The following SIGLEC5 variants were observed in gnomAD, a reference collection of about 807,000 sequenced individuals.
The protein encoded by SIGLEC5 is sialic acid-binding Ig-like lectin 5.
A neutral mutation model predicts 45.9 loss-of-function variants in SIGLEC5; 34 were observed. That is an observed-to-expected ratio of 0.74 (90% confidence interval 0.56 to 0.99). SIGLEC5 has a LOEUF of 0.99. Ranked by LOEUF, SIGLEC5 falls within the 50% of genes least tolerant of loss-of-function variation. The probability of loss-of-function intolerance (pLI) is 0.00; values close to 1 mark genes in which losing one functional copy is unlikely to be tolerated. For synonymous variants in SIGLEC5, 203 were observed against 258.6 expected (o/e 0.79, Z 2.06); for missense variants, 508 against 629.6 (o/e 0.81, Z 2.07).
In SIGLEC5 at chr19:51,629,485, C is replaced by G. The variant is rs1432876833; in HGVS notation, c.573G>C (p.Glu191Asp). The change falls in exon 3 of 9, where the codon GAG becomes GAC. Residue 191 changes from glutamate to aspartate, a missense_variant. This residue lies in a region of SIGLEC5 where 77 missense variants were observed against 200.8 expected (regional missense o/e 0.38). Coordinates refer to ENST00000683636, the MANE Select transcript of SIGLEC5 (RefSeq NM_003830.4). ...TGNALSPLDP[E>D]TTRSSELTLT... ...GGGTGAGCTCCGAGGAGCGGGTGGT[C>G]TCGGGGTCCAGGGGGCTGAGGGCAT... 6.2e-7 allele frequency: 1 copy of G among 1,611,980 alleles called. No individual in the cohort carries two copies. Among genetic ancestry groups the G allele is most frequent in the East Asian group, 2.2e-5 (1 of 44,820 alleles).
chr19:51,611,168 A>G lies in SIGLEC5; in HGVS notation c.*1063T>C, dbSNP rs114134570. 0.036 allele frequency among the ~76,000 whole-genome samples: 5,415 copies of G among 152,290 alleles called. 288 individuals are homozygous for G. Among genetic ancestry groups the G allele is most frequent in the African/African-American group, 0.12 (4,820 of 41,530 alleles). On this transcript the variant is annotated 3_prime_UTR_variant, in exon 9 of 9. Coordinates refer to ENST00000683636, the MANE Select transcript of SIGLEC5 (RefSeq NM_003830.4). ...ATGACCACTTGCTGAAGTTTCTAACATTGTCATTTATCTGGGTTTGGAGAT... is the reference window on the plus strand; with the variant it reads ...ATGACCACTTGCTGAAGTTTCTAACGTTGTCATTTATCTGGGTTTGGAGAT...
intron 7 of SIGLEC5, 118 bp downstream of exon 7, chr19:51,627,031 G>A: frequency 4.2e-6 from 3 of 719,524 alleles, no homozygotes. Flanking sequence ...AGACTCCTGA[G>A]CATCTGGAAC....
At chr19:51,628,582 CGT>C (rs1381375531) in intron 4 of SIGLEC5, among the ~76,000 whole-genome samples, 1 of 151,746 alleles carries the variant, frequency 6.6e-6, no homozygotes, top group Non-Finnish European at 1.5e-5. Context: ...CACCTGTGTG[CGT>C]GTGTGTGTGC....
intron 4 of SIGLEC5, 68 bp from the exon 5 acceptor site, chr19:51,628,159 C>G: frequency 6.9e-7 from 1 of 1,449,202 alleles, no homozygotes; most frequent in East Asian, 2.5e-5. Context: ...ATCCTTCCCT[C>G]CTTCCCAGGA....
chr19:51,629,526 A>G lies in SIGLEC5; in HGVS notation c.532T>C (p.Phe178Leu), dbSNP rs1287872935. 2 of 1,591,462 alleles carry G rather than the reference A, an allele frequency of 1.3e-6. No individual in the cohort carries two copies. The highest frequency in any genetic ancestry group is 1.7e-6 in the Non-Finnish European group (2 of 1,168,384). ...CTGAGGGCATTCCCCGTCCAGGAGA[A>G]TGTGAGAGGTGGTCCCGCTTCACAG... ...GSCEAGPPLT[F>L]SWTGNALSPL... is the part of the protein sequence containing the mutation. Residue 178 changes from phenylalanine (F) to leucine (L), a missense_variant, in exon 3 of 9, where the codon TTC (phenylalanine) becomes CTC (leucine). Phe to Leu is a conservative substitution (Grantham distance 22). Coordinates refer to ENST00000683636, the MANE Select transcript of SIGLEC5 (RefSeq NM_003830.4).
At position 51,627,977 on chromosome 19, in the gene SIGLEC5, GAGCCCTGGAACC is replaced by G. The variant is rs1355481969; in HGVS notation, c.842_853del (p.Trp281_Gly284del). On this transcript the variant is annotated inframe_deletion, in exon 5 of 9. Transcript: ENST00000683636. Reference sequence around the variant, plus strand: ...GATGGGGGTGGCGTTCAGGGCAGGGGAGCCCTGGAACCAGCTCAGGTGTGCAGGGGGGTTGCT... The same window carrying G: ...GATGGGGGTGGCGTTCAGGGCAGGGGAGCTCAGGTGTGCAGGGGGGTTGCT... 9 of 1,613,720 alleles carry G rather than the reference GAGCCCTGGAACC, an allele frequency of 5.6e-6. No individual in the cohort carries two copies. In the Admixed American group the frequency reaches 1.5e-4, roughly 27 times the overall value.
chr19:51,628,154 T>A lies in SIGLEC5; in HGVS notation c.740-63A>T, dbSNP rs932141925. 4.1e-6 allele frequency: 6 copies of A among 1,451,620 alleles called. No homozygotes were observed. In the African/African-American group the frequency reaches 7.2e-5, roughly 17 times the overall value. 89.9% of individuals were successfully genotyped at this position (1,451,620 alleles called of 1,614,324 possible). On this transcript the variant is annotated intron_variant, in intron 4 of 8. Coordinates refer to ENST00000683636, the MANE Select transcript of SIGLEC5 (RefSeq NM_003830.4). ...CAGGGAGGCTGACAGTCCCTATCCT[T>A]CCCTCCTTCCCAGGATCCAGATGAC...
In SIGLEC5 at chr19:51,624,950, C is replaced by T. The variant is rs139267979; in HGVS notation, c.1464+1082G>A. 5.6e-3 allele frequency among the ~76,000 whole-genome samples: 764 copies of T among 136,316 alleles called. 10 individuals carry two copies. Among genetic ancestry groups the T allele is most frequent in the African/African-American group, 0.021 (733 of 35,152 alleles). The allele number at this position is 136,316 out of a possible 152,430, so 89.4% of individuals were successfully genotyped here. A position where few individuals can be genotyped will look rare whatever the true frequency, so the allele number is the denominator to read the frequency against. Reference sequence around the variant, plus strand: ...GTGCACTCCAGCCTGGGTGACAGAGCAGGACTCCGTCTCCAAAAAAATAAA... The same window carrying T: ...GTGCACTCCAGCCTGGGTGACAGAGTAGGACTCCGTCTCCAAAAAAATAAA... On this transcript the variant is annotated intron_variant, in intron 8 of 8. Coordinates refer to ENST00000683636, the MANE Select transcript of SIGLEC5 (RefSeq NM_003830.4).
chr19:51,628,087 T>C lies in SIGLEC5; in HGVS notation c.744A>G (p.Leu248=). The C allele has an allele frequency of 1.3e-6, 2 of 1,529,700 alleles. No homozygotes were observed. Among genetic ancestry groups the C allele is most frequent in the African/African-American group, 1.4e-5 (1 of 72,212 alleles). 94.8% of individuals were successfully genotyped at this position (1,529,700 alleles called of 1,614,324 possible). The change falls in exon 5 of 9, where the codon CTA becomes CTG. Residue 248 remains leucine, a synonymous_variant. Coordinates refer to ENST00000683636, the MANE Select transcript of SIGLEC5 (RefSeq NM_003830.4). ...GGTATGAGGTGTTTTGCAGGATCTC[T>C]AGGGCTTTGGGGAGAGAAGGGTGGG... ...TITIFRNGIA[L]EILQNTSYLP... is the part of the protein sequence containing the mutation.
chr19:51,628,919 G>A (rs1983618348), intron 4 of SIGLEC5, 119 bp downstream of exon 4: 2 of 996,386 alleles, frequency 2.0e-6, no homozygotes, highest in African/African-American at 1.6e-5. Context: ...AAGCCAGAAG[G>A]CAGTAATTCT....
chr19:51,627,834 A>G lies in SIGLEC5; in HGVS notation c.997T>C (p.Ser333Pro), dbSNP rs770767367. 7 of 1,599,768 alleles carry G rather than the reference A, an allele frequency of 4.4e-6. No individual in the cohort carries two copies. The South Asian group carries it at 5.6e-5, about 13-fold the overall frequency. Reference sequence around the variant, plus strand: ...CTGCTCCAGCTGCCCCCACACTCACAGTAAACTGAGAGATTCAGAAAAATT... The same window carrying G: ...CTGCTCCAGCTGCCCCCACACTCACGGTAAACTGAGAGATTCAGAAAAATT... ...LQIFLNLSVYSLPQLLGPSCS... is the reference protein window; with the variant it reads ...LQIFLNLSVYPLPQLLGPSCS... Residue 333 changes from serine (S) to proline (P), a missense_variant and splice_region_variant, in exon 5 of 9, where the codon TCC becomes CCC. Ser to Pro is a moderately conservative substitution (Grantham distance 74). Transcript: ENST00000683636.
In SIGLEC5 at chr19:51,612,090, A is replaced by ATCATCTGTTTTCTTTCTGC. The variant is rs143349422; in HGVS notation, c.*140_*141insGCAGAAAGAAAACAGATGA. 0.98 allele frequency: 502,126 copies of ATCATCTGTTTTCTTTCTGC among 514,466 alleles called. 245,117 individuals are homozygous for ATCATCTGTTTTCTTTCTGC. Among genetic ancestry groups the ATCATCTGTTTTCTTTCTGC allele is most frequent in the African/African-American group, 0.99 (50,366 of 50,634 alleles). 31.9% of individuals were successfully genotyped at this position (514,466 alleles called of 1,614,324 possible). On this transcript the variant is annotated 3_prime_UTR_variant, in exon 9 of 9. Transcript: ENST00000683636. ...GATTTGAGCCCACCTCTCTAATTCC[A>ATCATCTGTTTTCTTTCTGC]TCTGCTTGGAGCACTTAAACATCAG...
Position 51,629,360 on chromosome 19 carries a change from G to C in SIGLEC5, c.698C>G (p.Ser233Cys). ...TTERTVQLNV[S>C]YAPQTITIFR... ...GCTGTGTCCCCAGCACCACTCACAGGAGACATTGAGCTGGACAGTTCTCTC... is the reference window on the plus strand; with the variant it reads ...GCTGTGTCCCCAGCACCACTCACAGCAGACATTGAGCTGGACAGTTCTCTC... Residue 233 changes from serine (S) to cysteine (C), a missense_variant and splice_region_variant, in exon 3 of 9, where the codon TCC (serine) becomes TGC (cysteine). Ser to Cys is a moderately radical substitution (Grantham distance 112). This residue lies in a region of SIGLEC5 where 431 missense variants were observed against 428.8 expected (regional missense o/e 1.01). Coordinates refer to ENST00000683636, the MANE Select transcript of SIGLEC5 (RefSeq NM_003830.4). 6.2e-7 allele frequency: 1 copy of C among 1,613,450 alleles called. No homozygotes were observed. The highest frequency in any genetic ancestry group is 1.1e-5 in the South Asian group (1 of 91,058).
At chr19:51,622,282 C>T (rs895798731) in intron 8 of SIGLEC5, among the ~76,000 whole-genome samples, 2 of 151,972 alleles carry the variant, frequency 1.3e-5, no homozygotes, top group African/African-American at 4.8e-5. Context: ...CAGGTGCCCA[C>T]CACCACGCCT....
chr19:51,613,252 TC>T (rs1982927451), intron 8 of SIGLEC5, among the ~76,000 whole-genome samples: 1 of 152,240 alleles, frequency 6.6e-6, no homozygotes, highest in South Asian at 2.1e-4. Context: ...AAAGGAGTAT[TC>T]TGTGAAAGTC....
intron 8 of SIGLEC5, among the ~76,000 whole-genome samples, chr19:51,620,954 G>A (rs1983262397): frequency 6.6e-6 from 1 of 151,934 alleles, no homozygotes; most frequent in East Asian, 1.9e-4. Context: ...CAAAGTTCTG[G>A]GATTACAGGC....
intron 8 of SIGLEC5, among the ~76,000 whole-genome samples, chr19:51,617,091 T>C (rs1431929032): frequency 1.3e-5 from 2 of 150,780 alleles, no homozygotes; most frequent in Non-Finnish European, 1.5e-5. Flanking sequence ...CCGTCTCTAC[T>C]AAAAATACAA....
chr19:51,622,565 G>A (rs1447821613), intron 8 of SIGLEC5, among the ~76,000 whole-genome samples: 1 of 152,062 alleles, frequency 6.6e-6, no homozygotes, highest in East Asian at 1.9e-4. Flanking sequence ...TGAATTTATA[G>A]ACAGTGATGA....
intron 8 of SIGLEC5, among the ~76,000 whole-genome samples, 200 bp from the exon 9 acceptor site, chr19:51,612,622 A>T (rs1253624414): frequency 6.6e-6 from 1 of 152,174 alleles, no homozygotes; most frequent in Non-Finnish European, 1.5e-5. Flanking sequence ...GTTAATCCAA[A>T]TGTCTGCCTT....
Sources: gnomAD v4.1 joint callset for allele counts (sites outside exome capture counted in the v4.1 genomes callset) on GRCh38, gnomAD v4.1.1 for gene constraint, gnomAD v4.1.1 regional missense constraint, MANE v1.5 for transcripts, NCBI Gene and HGNC (gene_info 2026-07-23, HGNC 2026-07-21) for gene names.